Variants in PHF21A observed in about 807,000 individuals in gnomAD.
The protein encoded by PHF21A is BHC80a.
Under a neutral mutation model 82.5 loss-of-function variants are expected in PHF21A, and 11 were observed. The observed-to-expected ratio is 0.13, with a 90% confidence interval of 0.08 to 0.22. The LOEUF (loss-of-function observed/expected upper bound fraction) is 0.22, where lower values mean the gene tolerates loss of function less well. Ranked by LOEUF, PHF21A falls within the 10% of genes least tolerant of loss-of-function variation. The pLI is 1.00. For missense variants in PHF21A, 579 were observed against 837.8 expected (o/e 0.69, Z 3.81); for synonymous variants, 297 against 302.8 (o/e 0.98, Z 0.20).
At chr11:46,120,408 G>A (rs1248056753) in intron 1 of PHF21A, 2 of 96,050 alleles carry the variant, frequency 2.1e-5, no homozygotes, top group Non-Finnish European at 4.5e-5. Context: ...CGCAGCCCCC[G>A]GCCGGCCCCC....
At chr11:45,935,863 C>A (rs888006867) in intron 17 of PHF21A, 124 bp from the exon 18 acceptor site, 20 of 622,844 alleles carry the variant, frequency 3.2e-5, no homozygotes, top group Admixed American at 2.9e-4. Context: ...GTCCTACAAC[C>A]CAGTGCAGAG....
At chr11:46,076,714 C>T (rs1565874259) in intron 6 of PHF21A, 40 bp downstream of exon 6, 1 of 1,524,778 alleles carries the variant, frequency 6.6e-7, no homozygotes, top group Admixed American at 1.7e-5. Context: ...ATCTTTAGAA[C>T]ACAACGTTAA....
At chr11:45,975,062 C>A (rs1370131221) in intron 7 of PHF21A, among the ~76,000 whole-genome samples, 1 of 152,028 alleles carries the variant, frequency 6.6e-6, no homozygotes, top group Non-Finnish European at 1.5e-5. Flanking sequence ...GCCTATAATC[C>A]CAGCACTTTG....
At chr11:45,950,165 G>T (rs749923960) in intron 12 of PHF21A, 41 bp downstream of exon 12, 1 of 1,456,434 alleles carries the variant, frequency 6.9e-7, no homozygotes, top group Non-Finnish European at 9.5e-7. Context: ...ACAAAGCTGT[G>T]GGCCAGAAAA....
chr11:46,102,870 A>C (rs938466394), intron 1 of PHF21A, among the ~76,000 whole-genome samples: 3 of 152,232 alleles, frequency 2.0e-5, no homozygotes, highest in Non-Finnish European at 2.9e-5. Flanking sequence ...CCTGTTTAAA[A>C]ACTAATAATT....
intron 6 of PHF21A, among the ~76,000 whole-genome samples, chr11:46,060,410 G>A (rs1247960448): frequency 6.6e-6 from 1 of 151,992 alleles, no homozygotes; most frequent in Non-Finnish European, 1.5e-5. Context: ...AGAAAAAAAG[G>A]CAAGAAACAA....
chr11:46,038,288 C>T (rs189520255), intron 6 of PHF21A, among the ~76,000 whole-genome samples: 14 of 152,116 alleles, frequency 9.2e-5, no homozygotes, highest in South Asian at 6.2e-4. Flanking sequence ...CCACCACACC[C>T]GGCTAATTTT....
chr11:46,010,362 T>A (rs550210497), intron 6 of PHF21A, among the ~76,000 whole-genome samples: 2 of 152,376 alleles, frequency 1.3e-5, no homozygotes, highest in South Asian at 4.1e-4. Flanking sequence ...ATGTTACTTA[T>A]ACCTCGCAAC....
chr11:46,044,022 T>C (rs2096210052), intron 6 of PHF21A, among the ~76,000 whole-genome samples: 1 of 152,212 alleles, frequency 6.6e-6, no homozygotes. Flanking sequence ...TTAACAGCTG[T>C]AAATTTGTTT....
intron 6 of PHF21A, among the ~76,000 whole-genome samples, chr11:46,057,397 G>A (rs1376332723): frequency 6.6e-6 from 1 of 152,122 alleles, no homozygotes; most frequent in African/African-American, 2.4e-5. Context: ...AGATGCACAG[G>A]AGTGTTAATT....
chr11:45,948,859 A>AC (rs1313750150), intron 14 of PHF21A, 27 bp downstream of exon 14: 3 of 1,582,130 alleles, frequency 1.9e-6, no homozygotes, highest in Non-Finnish European at 2.6e-6. Flanking sequence ...CAACAGCAGC[A>AC]AGGGAGAGAT....
At chr11:46,063,081 A>G (rs2096555050) in intron 6 of PHF21A, among the ~76,000 whole-genome samples, 1 of 152,212 alleles carries the variant, frequency 6.6e-6, no homozygotes, top group Non-Finnish European at 1.5e-5. Flanking sequence ...ATTATGACTC[A>G]ATAAACCTAT....
chr11:45,977,856 T>C (rs1218481994), intron 7 of PHF21A, among the ~76,000 whole-genome samples: 4 of 151,404 alleles, frequency 2.6e-5, no homozygotes, highest in Non-Finnish European at 4.4e-5. Flanking sequence ...TTTTTTTTTT[T>C]GGTATTGAAT....
At chr11:45,984,657 G>A (rs2094435087) in intron 6 of PHF21A, among the ~76,000 whole-genome samples, 1 of 152,188 alleles carries the variant, frequency 6.6e-6, no homozygotes, top group African/African-American at 2.4e-5. Context: ...AGAGACGGAA[G>A]GACTGCCCCC....
intron 3 of PHF21A, among the ~76,000 whole-genome samples, chr11:46,087,535 T>C (rs2096870712): frequency 6.7e-6 from 1 of 149,774 alleles, no homozygotes; most frequent in South Asian, 2.1e-4. Flanking sequence ...ATTAGAAGAT[T>C]CATTTGAAAT....
rs1442523553 is a variant in PHF21A at position 45,933,713 on chromosome 11, G to C, written c.*255C>G. 2.6e-6 allele frequency: 1 copy of C among 385,288 alleles called. No homozygotes were observed. Among genetic ancestry groups the C allele is most frequent in the African/African-American group, 2.1e-5 (1 of 48,262 alleles). 23.9% of individuals were successfully genotyped at this position (385,288 alleles called of 1,614,324 possible). The stretch of plus-strand genomic sequence containing the variant: ...GAGAGTAAATATATTATTTCACTTG[G>C]CATGGTGCTGGCAAAGAACCTCCAG... On this transcript the variant is annotated 3_prime_UTR_variant, in exon 19 of 19. Transcript: ENST00000676320.
chr11:45,990,250 CTTTTTTTTTT>C (rs201187984), intron 6 of PHF21A, among the ~76,000 whole-genome samples: 47 of 56,276 alleles, frequency 8.4e-4, no homozygotes, highest in African/African-American at 2.1e-3. Context: ...TTTTCATCTT[CTTTTTTTTTT>C]TTTTTTTTTT....
intron 6 of PHF21A, among the ~76,000 whole-genome samples, chr11:46,020,003 T>C (rs1025793671): frequency 9.2e-5 from 14 of 151,980 alleles, no homozygotes; most frequent in Non-Finnish European, 1.8e-4. Flanking sequence ...TTTTTTTTTT[T>C]AGCCATCATT....
intron 6 of PHF21A, among the ~76,000 whole-genome samples, chr11:45,989,205 A>C (rs1029305878): frequency 2.0e-5 from 3 of 152,212 alleles, no homozygotes; most frequent in Non-Finnish European, 4.4e-5. Context: ...CAGAGACACA[A>C]GAAACCTGAA....
Sources: gnomAD v4.1 joint callset for allele counts (sites outside exome capture counted in the v4.1 genomes callset) on GRCh38, gnomAD v4.1.1 for gene constraint, MANE v1.5 for transcripts, NCBI Gene and HGNC (gene_info 2026-07-23, HGNC 2026-07-21) for gene names.